CDKL5: variants seen among roughly 807,000 people sequenced by gnomAD.
The protein encoded by CDKL5 is cyclin-dependent kinase-like 5.
CDKL5 carries 8 observed loss-of-function variants against 61.7 expected under a neutral mutation model. The observed-to-expected ratio is 0.13, with a 90% CI of 0.08 to 0.23. The LOEUF (loss-of-function observed/expected upper bound fraction) is 0.23, where lower values mean the gene tolerates loss of function less well. Ranked by LOEUF, CDKL5 falls within the 10% of genes least tolerant of loss-of-function variation. The probability of loss-of-function intolerance (pLI) is 1.00; values close to 1 mark genes in which losing one functional copy is unlikely to be tolerated. For missense variants in CDKL5, 440 were observed against 734.5 expected (o/e 0.60, Z 4.63); for synonymous variants, 275 against 272.3 (o/e 1.01, Z -0.10).
intron 15 of CDKL5, among the ~76,000 whole-genome samples, chrX:18,616,421 T>C (rs898675338): frequency 9.1e-6 from 1 of 109,802 alleles, no homozygotes; most frequent in Non-Finnish European, 1.9e-5. Context: ...AGGTTGGGAG[T>C]TCGAGACCAG....
chrX:18,602,506 T>C (rs1569218881), intron 11 of CDKL5, among the ~76,000 whole-genome samples: 2 of 111,472 alleles, frequency 1.8e-5, no homozygotes, highest in Admixed American at 1.9e-4. Context: ...TTAGTGCTCA[T>C]ATTTAGGAGT....
chrX:18,448,513 G>T (rs992593898), intron 1 of CDKL5, among the ~76,000 whole-genome samples: 43 of 111,979 alleles, frequency 3.8e-4, no homozygotes, highest in African/African-American at 1.1e-3. Context: ...CTTTTGCCTG[G>T]AATGCAGTAT....
intron 3 of CDKL5, among the ~76,000 whole-genome samples, chrX:18,524,934 T>C (rs1923375499): frequency 9.0e-6 from 1 of 111,243 alleles, no homozygotes; most frequent in African/African-American, 3.3e-5. Context: ...TTTGTTTGTT[T>C]GTTTTAGAGA....
At position 18,630,355 on chromosome X, in the gene CDKL5, T is replaced by C; in HGVS notation, c.*1598T>C. 1 of 753,400 alleles carries C rather than the reference T, an allele frequency of 1.3e-6. No individual in the cohort carries two copies. The highest frequency in any genetic ancestry group is 1.6e-6 in the Non-Finnish European group (1 of 638,890). The allele number at this position is 753,400 out of a possible 1,213,427, so 62.1% of individuals were successfully genotyped here. On this transcript the variant is annotated 3_prime_UTR_variant, in exon 18 of 18. Coordinates refer to ENST00000623535, the MANE Select transcript of CDKL5 (RefSeq NM_001323289.2). Reference sequence around the variant, plus strand: ...TCACCTCAGCACCATCATCTATCAGTAGTAGTAGATTTTTGGAATTAGTCT... The same window carrying C: ...TCACCTCAGCACCATCATCTATCAGCAGTAGTAGATTTTTGGAATTAGTCT...
intron 1 of CDKL5, among the ~76,000 whole-genome samples, chrX:18,465,118 T>G (rs1189102781): frequency 1.8e-5 from 2 of 111,376 alleles, no homozygotes; most frequent in Non-Finnish European, 3.8e-5. Context: ...AGTTGGAGGT[T>G]AAGTTGAATT....
chrX:18,577,246 T>G (rs1048010264), intron 5 of CDKL5, among the ~76,000 whole-genome samples: 2 of 111,415 alleles, frequency 1.8e-5, no homozygotes, highest in Non-Finnish European at 3.8e-5. Context: ...GTTTCCTCAC[T>G]GGGAGAGGCA....
At chrX:18,431,663 G>A (rs769622561) in intron 1 of CDKL5, among the ~76,000 whole-genome samples, 36 of 109,533 alleles carry the variant, frequency 3.3e-4, no homozygotes, top group Non-Finnish European at 4.2e-4. Flanking sequence ...CTGACCTCGT[G>A]ATCTGCCCAC....
chrX:18,608,863 A>C lies in CDKL5; in HGVS notation c.1997A>C (p.Glu666Ala). Residue 666 changes from glutamate to alanine, a missense_variant, in exon 13 of 18, where the codon GAG (glutamate) becomes GCG (alanine). By Grantham distance (107) the Glu-to-Ala change is moderately radical (BLOSUM62 -1). This residue lies in a region of CDKL5 where 363 missense variants were observed against 516.3 expected (regional missense o/e 0.70). Coordinates refer to ENST00000623535, the MANE Select transcript of CDKL5 (RefSeq NM_001323289.2). ...ACTGTGGCAAGATCTTCGGTCAAAG[A>C]GACCTCCAGAGAAGGCACCTCTTCC... ...EMTVARSSVK[E>A]TSREGTSSFH... 1.7e-6 allele frequency: 2 copies of C among 1,207,233 alleles called. No individual in the cohort carries two copies. Among genetic ancestry groups the C allele is most frequent in the Non-Finnish European group, 2.2e-6 (2 of 891,625 alleles).
intron 1 of CDKL5, among the ~76,000 whole-genome samples, chrX:18,504,726 G>C (rs12014685): frequency 1.8e-5 from 2 of 109,741 alleles, no homozygotes; most frequent in East Asian, 5.7e-4. Flanking sequence ...GGTCAGGAGA[G>C]CGAGACCATC....
intron 3 of CDKL5, among the ~76,000 whole-genome samples, chrX:18,560,292 C>T (rs1924757828): frequency 9.0e-6 from 1 of 111,461 alleles, no homozygotes; most frequent in Admixed American, 9.5e-5. Context: ...TCTCCAGCAC[C>T]TGTTGTTTCC....
chrX:18,506,181 CCTTA>C (rs1029324728), intron 1 of CDKL5, among the ~76,000 whole-genome samples: 2 of 111,949 alleles, frequency 1.8e-5, no homozygotes, highest in African/African-American at 6.5e-5. Flanking sequence ...TTGAGCATTT[CCTTA>C]CTTTCTGGCA....
rs1927192797 is a variant in CDKL5, at chrX:18,630,117, A to G, written c.*1360A>G. On this transcript the variant is annotated 3_prime_UTR_variant, in exon 18 of 18. Coordinates refer to ENST00000623535, the MANE Select transcript of CDKL5 (RefSeq NM_001323289.2). ...GCTCCTGGAGCAATTCCAGATAGAT[A>G]AAAAATTACTCTATCCATTTTTTTC... 1.3e-6 allele frequency: 1 copy of G among 751,930 alleles called. No individual in the cohort carries two copies. The highest frequency in any genetic ancestry group is 1.5e-4 in the East Asian group (1 of 6,586). The allele number at this position is 751,930 out of a possible 1,213,427, so 62.0% of individuals were successfully genotyped here.
chrX:18,611,561 A>T (rs1311181519), intron 14 of CDKL5, among the ~76,000 whole-genome samples: 1 of 111,771 alleles, frequency 8.9e-6, no homozygotes, highest in Admixed American at 9.5e-5. Flanking sequence ...TTACCTCCAA[A>T]ATGTAGCATA....
intron 3 of CDKL5, among the ~76,000 whole-genome samples, chrX:18,520,583 A>G (rs1047225777): frequency 3.6e-4 from 40 of 112,105 alleles, no homozygotes; most frequent in Non-Finnish European, 6.6e-4. Context: ...TCTATTTTCA[A>G]TTCTCTGGGG....
chrX:18,466,970 G>A (rs1034143227), intron 1 of CDKL5, among the ~76,000 whole-genome samples: 2 of 111,828 alleles, frequency 1.8e-5, no homozygotes, highest in Admixed American at 1.9e-4. Flanking sequence ...GAGAGAAGTG[G>A]CATATGAGCA....
intron 1 of CDKL5, among the ~76,000 whole-genome samples, chrX:18,506,109 T>C (rs1407328574): frequency 8.9e-6 from 1 of 112,783 alleles, no homozygotes; most frequent in Non-Finnish European, 1.9e-5. Flanking sequence ...TATTCCCGAT[T>C]AGGCCAGTGG....
At chrX:18,613,093 TAAAAAAA>T (rs368997720) in intron 14 of CDKL5, 52 bp from the exon 15 acceptor site, 3 of 766,253 alleles carry the variant, frequency 3.9e-6, no homozygotes, top group African/African-American at 3.2e-5. Flanking sequence ...AGACTCTGTC[TAAAAAAA>T]AAAAAAAAAA....
intron 6 of CDKL5, among the ~76,000 whole-genome samples, chrX:18,581,585 G>A (rs1013630911): frequency 6.3e-5 from 7 of 111,340 alleles, no homozygotes; most frequent in African/African-American, 2.3e-4. Context: ...GTAATAATAG[G>A]TTTTTGAAAT....
chrX:18,432,100 T>TTTC (rs1931508088), intron 1 of CDKL5, among the ~76,000 whole-genome samples: 1 of 86,181 alleles, frequency 1.2e-5, no homozygotes, highest in African/African-American at 4.5e-5. Context: ...TCTTTCTTTC[T>TTTC]TTTTTTTTTT....
Sources: allele counts gnomAD v4.1 joint callset (sites outside exome capture counted in the v4.1 genomes callset), GRCh38; gene constraint gnomAD v4.1.1; regional missense constraint gnomAD v4.1.1; transcripts MANE v1.5; gene names NCBI Gene and HGNC (gene_info 2026-07-23, HGNC 2026-07-21).